Variants in ADAM9 observed in about 807,000 individuals in gnomAD.
The protein encoded by ADAM9 is ADAM metallopeptidase domain 9, also known as disintegrin and metalloproteinase domain-containing protein 9.
A neutral mutation model predicts 108.1 loss-of-function variants in ADAM9; 54 were observed. That is an observed-to-expected ratio of 0.50 (90% CI 0.40 to 0.63). The LOEUF is 0.63. ADAM9 is among the 20% of genes least tolerant of loss of function. The pLI, the probability that ADAM9 is intolerant of heterozygous loss-of-function variation, is 0.00. For missense variants in ADAM9, 830 were observed against 997.7 expected (o/e 0.83, Z 2.26); for synonymous variants, 316 against 336.0 (o/e 0.94, Z 0.65).
At chr8:39,022,343 A>G (rs1310548244) in intron 8 of ADAM9, among the ~76,000 whole-genome samples, 1 of 152,122 alleles carries the variant, frequency 6.6e-6, no homozygotes, top group East Asian at 1.9e-4. Context: ...CCCCTATGAA[A>G]TTATGAGTTC....
chr8:39,064,085 A>G lies in ADAM9; in HGVS notation c.1592-7213A>G, dbSNP rs901500820. Among the ~76,000 whole-genome samples, 3 of 152,278 alleles carry G rather than the reference A, an allele frequency of 2.0e-5. No homozygotes were observed. The South Asian group carries it at 6.2e-4, about 32-fold the overall frequency. On this transcript the variant is annotated intron_variant, in intron 14 of 21. Coordinates refer to ENST00000487273, the MANE Select transcript of ADAM9 (RefSeq NM_003816.3). Reference sequence around the variant, plus strand: ...ATAAGGAGCAACCAGGCAATCTCATACTGTTAGTATGAGAAAAATGTTTGA... The same window carrying G: ...ATAAGGAGCAACCAGGCAATCTCATGCTGTTAGTATGAGAAAAATGTTTGA...
At chr8:39,072,558 C>T (rs918880261) in intron 15 of ADAM9, among the ~76,000 whole-genome samples, 10 of 152,180 alleles carry the variant, frequency 6.6e-5, no homozygotes, top group Middle Eastern at 3.2e-3. Flanking sequence ...CGTTTACTTC[C>T]GTGGCTTCAT....
In ADAM9 at chr8:39,080,990, A is replaced by AC. The variant is rs1456222271; in HGVS notation, c.1882-1648dup. On this transcript the variant is annotated intron_variant, in intron 16 of 21. Transcript: ENST00000487273. ...TTTTGAGGCAGGGTCTCGCTCTTTG[A>AC]CCCAGGCTGGAGTGCAGTAGAGTGC... is the stretch of plus-strand genomic sequence containing the variant. Among the ~76,000 whole-genome samples the AC allele has an allele frequency of 1.6e-5, 2 of 125,430 alleles. 1 individual carries two copies. The highest frequency in any genetic ancestry group is 6.2e-5 in the African/African-American group (2 of 32,390). The allele number at this position is 125,430 out of a possible 152,430, so 82.3% of individuals were successfully genotyped here.
intron 6 of ADAM9, 166 bp from the exon 7 acceptor site, chr8:39,018,686 CA>C (rs1191147307): frequency 1.5e-6 from 1 of 670,376 alleles, no homozygotes; most frequent in African/African-American, 1.8e-5. Context: ...CACTAAGAAG[CA>C]GATAACACTT....
At chr8:39,066,830 C>T (rs369639888) in intron 14 of ADAM9, among the ~76,000 whole-genome samples, 1 of 152,164 alleles carries the variant, frequency 6.6e-6, no homozygotes, top group East Asian at 1.9e-4. Context: ...CTTGCCCATG[C>T]CTATGTCCTG....
At position 39,071,110 on chromosome 8, in the gene ADAM9, A is replaced by AT. The variant is rs150431295; in HGVS notation, c.1592-184dup. On this transcript the variant is annotated intron_variant, in intron 14 of 21. Coordinates refer to ENST00000487273, the MANE Select transcript of ADAM9 (RefSeq NM_003816.3). Reference sequence around the variant, plus strand: ...AGTACAACTTAAGATTTATTTTTACATTTTGTCATTACATATGAAATGTGG... The same window carrying AT: ...AGTACAACTTAAGATTTATTTTTACATTTTTGTCATTACATATGAAATGTGG... 8.0e-3 allele frequency among the ~76,000 whole-genome samples: 1,212 copies of AT among 152,262 alleles called. 13 individuals carry two copies. Among genetic ancestry groups the AT allele is most frequent in the Admixed American group, 0.02 (305 of 15,292 alleles).
chr8:38,997,351 T>G (rs1835849859), intron 1 of ADAM9, among the ~76,000 whole-genome samples, 191 bp downstream of exon 1: 1 of 152,050 alleles, frequency 6.6e-6, no homozygotes, highest in African/African-American at 2.4e-5. Context: ...CCCCAAGCCC[T>G]TCTTGGCCCG....
chr8:39,072,229 T>G (rs1427803900), intron 15 of ADAM9, among the ~76,000 whole-genome samples: 1 of 152,200 alleles, frequency 6.6e-6, no homozygotes, highest in African/African-American at 2.4e-5. Flanking sequence ...CTAATATCAG[T>G]GAAATTATTT....
chr8:39,052,545 C>T (rs1447573605), intron 12 of ADAM9, among the ~76,000 whole-genome samples: 1 of 151,992 alleles, frequency 6.6e-6, no homozygotes, highest in African/African-American at 2.4e-5. Flanking sequence ...TATAGATCAT[C>T]ATCATAGCCC....
At chr8:39,007,407 CTG>C (rs2129431974) in intron 1 of ADAM9, among the ~76,000 whole-genome samples, 1 of 152,272 alleles carries the variant, frequency 6.6e-6, no homozygotes, top group South Asian at 2.1e-4. Context: ...AACATACAAA[CTG>C]TAGCAGTAAG....
intron 13 of ADAM9, among the ~76,000 whole-genome samples, chr8:39,055,218 C>T (rs1838080615): frequency 6.6e-6 from 1 of 152,114 alleles, no homozygotes; most frequent in Non-Finnish European, 1.5e-5. Context: ...ATATATCTTT[C>T]ACACATATGC....
intron 2 of ADAM9, among the ~76,000 whole-genome samples, chr8:39,008,727 G>A (rs574207645): frequency 9.2e-5 from 14 of 152,182 alleles, no homozygotes; most frequent in South Asian, 8.3e-4. Context: ...TGTTAAATGC[G>A]TATATTTTAT....
chr8:39,002,082 A>G (rs904341584), intron 1 of ADAM9, among the ~76,000 whole-genome samples: 19 of 151,500 alleles, frequency 1.3e-4, no homozygotes, highest in African/African-American at 4.1e-4. Flanking sequence ...TTTTGCACCA[A>G]CCTATTATAT....
chr8:39,062,080 C>G (rs1056769896), intron 14 of ADAM9, among the ~76,000 whole-genome samples: 3 of 152,154 alleles, frequency 2.0e-5, no homozygotes, highest in Non-Finnish European at 4.4e-5. Flanking sequence ...CCACCTAACT[C>G]TGATTACCTC....
intron 1 of ADAM9, among the ~76,000 whole-genome samples, chr8:39,003,266 G>C (rs1293483549): frequency 6.6e-6 from 1 of 152,002 alleles, no homozygotes; most frequent in Non-Finnish European, 1.5e-5. Flanking sequence ...AGAAGACTTG[G>C]TTTCTAGTCT....
intron 11 of ADAM9, among the ~76,000 whole-genome samples, chr8:39,037,683 T>C (rs180775141): frequency 6.6e-6 from 1 of 152,128 alleles, no homozygotes; most frequent in Non-Finnish European, 1.5e-5. Context: ...TCCCAAAGCA[T>C]TGGGATTACA....
At chr8:39,045,114 A>ATATGTATGTG (rs1345910569) in intron 12 of ADAM9, among the ~76,000 whole-genome samples, 2 of 14,228 alleles carry the variant, frequency 1.4e-4, no homozygotes, top group Non-Finnish European at 1.2e-4. Context: ...GCATACATAC[A>ATATGTATGTG]TATGTGTGTG....
intron 14 of ADAM9, among the ~76,000 whole-genome samples, chr8:39,064,443 T>C (rs1838393710): frequency 6.6e-6 from 1 of 152,196 alleles, no homozygotes; most frequent in South Asian, 2.1e-4. Context: ...ATTCATTTAT[T>C]ATAAGCAATT....
chr8:39,068,860 G>T (rs1838584041), intron 14 of ADAM9, among the ~76,000 whole-genome samples: 3 of 151,940 alleles, frequency 2.0e-5, no homozygotes, highest in Non-Finnish European at 4.4e-5. Flanking sequence ...TATCTCTTGA[G>T]TCCTGGAACC....
Sources: gnomAD v4.1 joint callset for allele counts (sites outside exome capture counted in the v4.1 genomes callset) on GRCh38, gnomAD v4.1.1 for gene constraint, MANE v1.5 for transcripts, NCBI Gene and HGNC (gene_info 2026-07-23, HGNC 2026-07-21) for gene names.